Variants in NCKAP5 observed in about 807,000 individuals in gnomAD.
NCKAP5 encodes the protein NCK associated protein 5.
NCKAP5 carries 92 observed loss-of-function variants against 167.0 expected under a neutral mutation model. The ratio of observed to expected loss-of-function variants is 0.55; its 90% confidence interval spans 0.47 to 0.66. The LOEUF (loss-of-function observed/expected upper bound fraction) is 0.66, where lower values mean the gene tolerates loss of function less well. NCKAP5 is among the 30% of genes least tolerant of loss of function. The pLI is 0.00. For synonymous variants in NCKAP5, 891 were observed against 877.4 expected (o/e 1.02, Z -0.27); for missense variants, 2,378 against 2,315.0 (o/e 1.03, Z -0.56).
In NCKAP5 at chr2:133,291,783, G is replaced by A. The variant is rs143369436; in HGVS notation, c.143+11254C>T. Reference sequence around the variant, plus strand: ...GTTTGCGTTCCCACGCATGTTCTCCGCCCTGAGATAGCTTAGAACACAGCT... The same window carrying A: ...GTTTGCGTTCCCACGCATGTTCTCCACCCTGAGATAGCTTAGAACACAGCT... On this transcript the variant is annotated intron_variant, in intron 4 of 19. Coordinates refer to ENST00000409261, the MANE Select transcript of NCKAP5 (RefSeq NM_207363.3). Among the ~76,000 whole-genome samples the A allele has an allele frequency of 2.1e-3, 315 of 152,268 alleles. 3 individuals carry two copies. The highest frequency in any genetic ancestry group is 6.1e-3 in the African/African-American group (254 of 41,566).
intron 6 of NCKAP5, among the ~76,000 whole-genome samples, chr2:133,068,417 T>G (rs10205918): frequency 0.025 from 3,764 of 152,228 alleles, 138 homozygotes; most frequent in African/African-American, 0.085. Context: ...AAAAGAATAG[T>G]AGTAAGATGG....
chr2:133,341,516 C>G (rs1020004573), intron 3 of NCKAP5, among the ~76,000 whole-genome samples: 34 of 152,314 alleles, frequency 2.2e-4, no homozygotes, highest in African/African-American at 7.7e-4. Context: ...AAAATTATTA[C>G]TCTACTGTAC....
chr2:133,599,420 C>G, the NCKAP5 span, among the ~76,000 whole-genome samples: 1 of 152,134 alleles, frequency 6.6e-6, no homozygotes, highest in African/African-American at 2.4e-5. Flanking sequence ...ATACAAAGTA[C>G]AGGATTGCAC....
intron 8 of NCKAP5, among the ~76,000 whole-genome samples, chr2:132,934,820 A>G (rs1696717985): frequency 6.6e-6 from 1 of 152,180 alleles, no homozygotes; most frequent in Non-Finnish European, 1.5e-5. Flanking sequence ...TCTGGAACCC[A>G]TTTGAGTGTG....
Position 133,177,982 on chromosome 2 carries a change from T to C in NCKAP5, c.207+35734A>G, listed in dbSNP as rs539344054. ...TCAACGTAGGCCAAGTGGATGACAA[T>C]AGCAAGGCCCTTCTTCCCATCCCAA... On this transcript the variant is annotated intron_variant, in intron 5 of 19. Coordinates refer to ENST00000409261, the MANE Select transcript of NCKAP5 (RefSeq NM_207363.3). 5.3e-5 allele frequency among the ~76,000 whole-genome samples: 8 copies of C among 152,226 alleles called. No homozygotes were observed. In the East Asian group the frequency reaches 1.2e-3, roughly 22 times the overall value.
At chr2:132,906,719 T>C (rs1391982691) in intron 8 of NCKAP5, among the ~76,000 whole-genome samples, 1 of 152,144 alleles carries the variant, frequency 6.6e-6, no homozygotes, top group East Asian at 1.9e-4. Flanking sequence ...GTGGTGAGGC[T>C]TCAAAGCTGC....
intron 8 of NCKAP5, among the ~76,000 whole-genome samples, chr2:132,887,793 T>C (rs1447056798): frequency 3.9e-5 from 6 of 152,174 alleles, no homozygotes; most frequent in African/African-American, 1.4e-4. Flanking sequence ...ACTGCAGGCA[T>C]GTGCCAACAT....
At chr2:133,453,192 T>G (rs1035120857) in intron 3 of NCKAP5, among the ~76,000 whole-genome samples, 4 of 152,114 alleles carry the variant, frequency 2.6e-5, no homozygotes, top group Non-Finnish European at 4.4e-5. Context: ...TTTTGCCCAG[T>G]CATCAGGTCA....
At chr2:133,062,366 T>C (rs1426988767) in intron 6 of NCKAP5, among the ~76,000 whole-genome samples, 2 of 152,218 alleles carry the variant, frequency 1.3e-5, no homozygotes, top group Non-Finnish European at 2.9e-5. Flanking sequence ...TGGCGACATA[T>C]GGTGAGTCAT....
At chr2:133,179,089 C>A (rs900698167) in intron 5 of NCKAP5, among the ~76,000 whole-genome samples, 7 of 152,070 alleles carry the variant, frequency 4.6e-5, no homozygotes, top group African/African-American at 1.7e-4. Flanking sequence ...GATGCCACTG[C>A]ACTCTAGGCT....
At chr2:133,614,750 C>A in the NCKAP5 span, among the ~76,000 whole-genome samples, 2 of 151,934 alleles carry the variant, frequency 1.3e-5, no homozygotes, top group Non-Finnish European at 1.5e-5. Flanking sequence ...GGAGAACTTC[C>A]CCAATCTAGC....
chr2:133,620,118 C>A, the NCKAP5 span, among the ~76,000 whole-genome samples: 1 of 151,780 alleles, frequency 6.6e-6, no homozygotes, highest in Non-Finnish European at 1.5e-5. Flanking sequence ...TCTTGAAATA[C>A]ACCAAAACAG....
chr2:133,550,378 A>T (rs1475418900), intron 2 of NCKAP5, among the ~76,000 whole-genome samples: 2 of 151,624 alleles, frequency 1.3e-5, no homozygotes, highest in Admixed American at 6.6e-5. Context: ...ATCCAGCAGC[A>T]CATCAAAAAG....
At chr2:132,892,252 T>C (rs1039522417) in intron 8 of NCKAP5, among the ~76,000 whole-genome samples, 4 of 152,222 alleles carry the variant, frequency 2.6e-5, no homozygotes, top group African/African-American at 9.7e-5. Context: ...TCTCACCTTC[T>C]TACTTCTGCT....
intron 5 of NCKAP5, among the ~76,000 whole-genome samples, chr2:133,146,764 C>G (rs900860212): frequency 2.0e-5 from 3 of 152,058 alleles, no homozygotes; most frequent in African/African-American, 7.2e-5. Context: ...TGGGTAAAAG[C>G]TAAAGCAAGT....
chr2:133,368,404 T>C (rs1454566565), intron 3 of NCKAP5, among the ~76,000 whole-genome samples: 1 of 152,246 alleles, frequency 6.6e-6, no homozygotes, highest in Admixed American at 6.5e-5. Flanking sequence ...TTATTTTTAT[T>C]TTATTTTTCC....
intron 3 of NCKAP5, among the ~76,000 whole-genome samples, chr2:133,364,787 T>C (rs1685347519): frequency 6.6e-6 from 1 of 151,728 alleles, no homozygotes; most frequent in Non-Finnish European, 1.5e-5. Context: ...AGAGTCTCAA[T>C]ACTGTCACCC....
chr2:132,977,589 G>T (rs1037811888), intron 7 of NCKAP5, among the ~76,000 whole-genome samples: 15 of 152,076 alleles, frequency 9.9e-5, no homozygotes, highest in African/African-American at 3.6e-4. Flanking sequence ...TCCAACCAGG[G>T]GTTACCTAAA....
intron 16 of NCKAP5, among the ~76,000 whole-genome samples, chr2:132,749,711 T>TTTA (rs1470946254): frequency 6.6e-6 from 1 of 152,058 alleles, no homozygotes; most frequent in African/African-American, 2.4e-5. Flanking sequence ...TTTTTTTTTT[T>TTTA]ACTTAAAATA....
Sources: allele counts gnomAD v4.1 joint callset (sites outside exome capture counted in the v4.1 genomes callset), GRCh38; gene constraint gnomAD v4.1.1; transcripts MANE v1.5; gene names NCBI Gene and HGNC (gene_info 2026-07-23, HGNC 2026-07-21).